Variants in NKAIN2 observed in about 807,000 individuals in gnomAD.
The protein encoded by NKAIN2 is sodium/potassium transporting ATPase interacting 2.
In NKAIN2, 14 loss-of-function variants were observed where a neutral mutation model predicts 32.6. That is an observed-to-expected ratio of 0.43 (90% CI 0.28 to 0.67). The LOEUF (loss-of-function observed/expected upper bound fraction) is 0.67. NKAIN2 is among the 30% of genes least tolerant of loss of function. NKAIN2 has a pLI of 0.17. For missense variants in NKAIN2, 198 were observed against 258.3 expected (o/e 0.77, Z 1.60); for synonymous variants, 80 against 87.2 (o/e 0.92, Z 0.46).
chr6:124,132,115 G>A (rs1487787356), intron 1 of NKAIN2, among the ~76,000 whole-genome samples: 1 of 152,136 alleles, frequency 6.6e-6, no homozygotes, highest in African/African-American at 2.4e-5. Context: ...CTGAATGAGA[G>A]CTGGGTGAGG....
chr6:124,250,964 A>G (rs767892265), intron 1 of NKAIN2, among the ~76,000 whole-genome samples: 1 of 152,036 alleles, frequency 6.6e-6, no homozygotes, highest in Non-Finnish European at 1.5e-5. Flanking sequence ...GATGGCAAAT[A>G]AAGTATGCAT....
chr6:123,850,188 T>C (rs9490967), intron 1 of NKAIN2, among the ~76,000 whole-genome samples: 1 of 151,654 alleles, frequency 6.6e-6, no homozygotes, highest in South Asian at 2.1e-4. Flanking sequence ...TCTCTCCTGG[T>C]GCTCATTTCA....
At chr6:124,082,937 C>A (rs1387305908) in intron 1 of NKAIN2, among the ~76,000 whole-genome samples, 2 of 151,858 alleles carry the variant, frequency 1.3e-5, no homozygotes, top group Non-Finnish European at 2.9e-5. Flanking sequence ...TATTTAGCAT[C>A]TATTATTTTA....
rs183976865 is a variant in NKAIN2, at chr6:123,938,690, A to C, written c.54+134436A>C. The stretch of plus-strand genomic sequence containing the variant: ...AGAGAATGGCCTGCATTTATTGACT[A>C]TTGCAATCCTACTTGATACTAAAAA... On this transcript the variant is annotated intron_variant, in intron 1 of 6. Coordinates refer to ENST00000368417, the MANE Select transcript of NKAIN2 (RefSeq NM_001040214.3). 4.1e-4 allele frequency among the ~76,000 whole-genome samples: 61 copies of C among 148,704 alleles called. No individual in the cohort carries two copies. In the East Asian group the frequency reaches 0.011, roughly 28 times the overall value.
Position 124,577,913 on chromosome 6 carries a change from A to G in NKAIN2, c.274-80273A>G, listed in dbSNP as rs184032773. ...CACCAGGCAGAATCCTGAGGCCCGC[A>G]TTCCAGGCCGTACCTTCTAGACAAC... On this transcript the variant is annotated intron_variant, in intron 3 of 6. Coordinates refer to ENST00000368417, the MANE Select transcript of NKAIN2 (RefSeq NM_001040214.3). 3.9e-5 allele frequency among the ~76,000 whole-genome samples: 6 copies of G among 152,286 alleles called. No homozygotes were observed. The East Asian group carries it at 1.2e-3, about 30-fold the overall frequency.
rs9490978 is a variant in NKAIN2 at position 123,869,015 on chromosome 6, T to C, written c.54+64761T>C. On this transcript the variant is annotated intron_variant, in intron 1 of 6. Transcript: ENST00000368417. ...TGTCCCAAATAAAGTCTGTGATTGATTGGTCATCTTTAAATCCTAAAACAT... is the reference window on the plus strand; with the variant it reads ...TGTCCCAAATAAAGTCTGTGATTGACTGGTCATCTTTAAATCCTAAAACAT... Among the ~76,000 whole-genome samples the C allele has an allele frequency of 8.5e-3, 1,295 of 152,306 alleles. 13 individuals carry two copies. The highest frequency in any genetic ancestry group is 0.029 in the African/African-American group (1,211 of 41,570).
intron 1 of NKAIN2, among the ~76,000 whole-genome samples, chr6:123,941,997 A>G (rs1183162711): frequency 6.6e-6 from 1 of 151,956 alleles, no homozygotes; most frequent in Non-Finnish European, 1.5e-5. Flanking sequence ...TAAAATAGCT[A>G]GTATGTAGCA....
intron 1 of NKAIN2, among the ~76,000 whole-genome samples, chr6:124,030,435 C>T (rs926662743): frequency 2.6e-5 from 4 of 152,142 alleles, no homozygotes; most frequent in African/African-American, 7.2e-5. Flanking sequence ...TTGGCTATCC[C>T]GTCATTTCCA....
intron 1 of NKAIN2, among the ~76,000 whole-genome samples, chr6:124,166,408 T>C (rs1399861437): frequency 1.3e-5 from 2 of 152,162 alleles, no homozygotes; most frequent in Non-Finnish European, 2.9e-5. Flanking sequence ...TTGTAGATTC[T>C]AGATATTAGC....
chr6:123,854,977 T>C (rs2114965713), intron 1 of NKAIN2, among the ~76,000 whole-genome samples: 1 of 152,328 alleles, frequency 6.6e-6, no homozygotes, highest in Non-Finnish European at 1.5e-5. Flanking sequence ...TTCACTGTCT[T>C]TGGAGCAGCA....
intron 2 of NKAIN2, among the ~76,000 whole-genome samples, chr6:124,289,592 A>T (rs1255991685): frequency 2.0e-5 from 3 of 152,168 alleles, no homozygotes; most frequent in Non-Finnish European, 4.4e-5. Flanking sequence ...CATGGGGGAA[A>T]AATCCTCTAA....
rs1773102833 is a variant in NKAIN2 at position 123,804,009 on chromosome 6, C to T, written c.-192C>T. 3 of 453,868 alleles carry T rather than the reference C, an allele frequency of 6.6e-6. No homozygotes were observed. Among genetic ancestry groups the T allele is most frequent in the Non-Finnish European group, 1.2e-5 (3 of 249,150 alleles). 28.1% of individuals were successfully genotyped at this position (453,868 alleles called of 1,614,324 possible). On this transcript the variant is annotated 5_prime_UTR_variant, in exon 1 of 7. Coordinates refer to ENST00000368417, the MANE Select transcript of NKAIN2 (RefSeq NM_001040214.3). ...TGTGTGGCGGGCGCGGCTGGAGCTG[C>T]CGCCGCCGCCGCCGCCGCGCCAGCA...
intron 3 of NKAIN2, among the ~76,000 whole-genome samples, chr6:124,622,219 T>C (rs1783132356): frequency 6.6e-6 from 1 of 152,194 alleles, no homozygotes; most frequent in Admixed American, 6.5e-5. Flanking sequence ...CCTCCATCTT[T>C]GCATGGCTTT....
At chr6:124,072,593 T>C (rs941727010) in intron 1 of NKAIN2, among the ~76,000 whole-genome samples, 5 of 152,192 alleles carry the variant, frequency 3.3e-5, no homozygotes, top group African/African-American at 4.8e-5. Context: ...ATTTCTTTCC[T>C]CCATCTGCCC....
At chr6:124,434,671 A>G (rs1033434237) in intron 3 of NKAIN2, among the ~76,000 whole-genome samples, 50 of 152,200 alleles carry the variant, frequency 3.3e-4, no homozygotes, top group Non-Finnish European at 5.9e-5. Flanking sequence ...CTCTTAAGAA[A>G]TTGTCTAAAT....
chr6:123,972,093 T>G (rs1778370992), intron 1 of NKAIN2, among the ~76,000 whole-genome samples: 1 of 152,220 alleles, frequency 6.6e-6, no homozygotes, highest in Admixed American at 6.5e-5. Flanking sequence ...ATATATTTTC[T>G]CTTTCTTATG....
chr6:124,687,327 T>C (rs1304337526), intron 4 of NKAIN2, among the ~76,000 whole-genome samples: 1 of 141,114 alleles, frequency 7.1e-6, no homozygotes, highest in African/African-American at 2.6e-5. Context: ...GTAATATATA[T>C]ATTCCATACA....
At chr6:124,546,976 C>T (rs1449350064) in intron 3 of NKAIN2, among the ~76,000 whole-genome samples, 1 of 152,122 alleles carries the variant, frequency 6.6e-6, no homozygotes, top group Admixed American at 6.6e-5. Context: ...CACAGTCAAC[C>T]TTTCCTTTCC....
At chr6:123,882,473 G>A (rs1012242902) in intron 1 of NKAIN2, among the ~76,000 whole-genome samples, 3 of 152,044 alleles carry the variant, frequency 2.0e-5, no homozygotes, top group Admixed American at 6.6e-5. Flanking sequence ...GTAATTTACA[G>A]GTCCTGTTAA....
Sources: allele counts gnomAD v4.1 joint callset (sites outside exome capture counted in the v4.1 genomes callset), GRCh38; gene constraint gnomAD v4.1.1; transcripts MANE v1.5; gene names NCBI Gene and HGNC (gene_info 2026-07-23, HGNC 2026-07-21).